DHRSX: variants seen among roughly 807,000 people sequenced by gnomAD.
DHRSX encodes the protein polyprenol dehydrogenase.
In DHRSX, 31 loss-of-function variants were observed where a neutral mutation model predicts 34.0. That is an observed-to-expected ratio of 0.91 (90% CI 0.69 to 1.23). The LOEUF is 1.23. DHRSX is among the 50% of genes most tolerant of loss of function. The pLI, the probability that DHRSX is intolerant of heterozygous loss-of-function variation, is 0.00. For missense variants in DHRSX, 414 were observed against 428.1 expected (o/e 0.97, Z 0.29); for synonymous variants, 201 against 183.8 (o/e 1.09, Z -0.76).
At chrX:2,445,112 G>A (rs768338425) in intron 1 of DHRSX, among the ~76,000 whole-genome samples, 31 of 152,186 alleles carry the variant, frequency 2.0e-4, no homozygotes, top group Admixed American at 1.8e-3. Context: ...AGCCAAGATC[G>A]CACCACTGCA....
At chrX:2,332,831 G>C (rs147039330) in intron 3 of DHRSX, among the ~76,000 whole-genome samples, 1 of 152,114 alleles carries the variant, frequency 6.6e-6, no homozygotes, top group Admixed American at 6.5e-5. Flanking sequence ...GAATGTGATC[G>C]ATCAAAAACT....
At chrX:2,491,245 T>C (rs1237288140) in intron 1 of DHRSX, among the ~76,000 whole-genome samples, 1 of 152,120 alleles carries the variant, frequency 6.6e-6, no homozygotes, top group Non-Finnish European at 1.5e-5. Flanking sequence ...AATTTTTGTA[T>C]TTTTAGTAGA....
At chrX:2,428,935 A>C (rs930866230) in intron 1 of DHRSX, among the ~76,000 whole-genome samples, 6 of 152,122 alleles carry the variant, frequency 3.9e-5, no homozygotes, top group African/African-American at 1.4e-4. Flanking sequence ...TTCAACATAT[A>C]ATCTGTTATT....
intron 2 of DHRSX, 63 bp from the exon 3 acceptor site, chrX:2,408,876 CA>C (rs11388393): frequency 0.013 from 13,166 of 1,038,902 alleles, 1 homozygote; most frequent in Non-Finnish European, 0.015. Context: ...CTATTAACTG[CA>C]AAAAAAAAAA....
chrX:2,406,949 A>G (rs1172872298), intron 3 of DHRSX, among the ~76,000 whole-genome samples: 1 of 152,222 alleles, frequency 6.6e-6, no homozygotes, highest in African/African-American at 2.4e-5. Context: ...CAGTGTATCA[A>G]AGAGATGCCT....
chrX:2,468,062 C>T (rs1445336736), intron 1 of DHRSX, among the ~76,000 whole-genome samples: 1 of 151,992 alleles, frequency 6.6e-6, no homozygotes, highest in Non-Finnish European at 1.5e-5. Context: ...CTGCACAGGC[C>T]ACCTTCTAAG....
intron 1 of DHRSX, among the ~76,000 whole-genome samples, chrX:2,470,122 T>C (rs904333982): frequency 2.0e-5 from 3 of 150,118 alleles, no homozygotes; most frequent in African/African-American, 7.4e-5. Context: ...GAAGATACAA[T>C]GTGAAGTGAA....
intron 3 of DHRSX, among the ~76,000 whole-genome samples, chrX:2,348,119 G>A (rs760574233): frequency 3.9e-5 from 6 of 152,110 alleles, no homozygotes; most frequent in Non-Finnish European, 7.4e-5. Context: ...CGTAACATAA[G>A]AAAAAGACAG....
intron 1 of DHRSX, among the ~76,000 whole-genome samples, chrX:2,441,921 A>C (rs2044067556): frequency 1.3e-5 from 2 of 152,074 alleles, no homozygotes; most frequent in African/African-American, 2.4e-5. Flanking sequence ...AAATACAAAA[A>C]AAATTAGCTG....
chrX:2,233,118 G>A (rs2015935408), intron 6 of DHRSX, among the ~76,000 whole-genome samples: 2 of 152,162 alleles, frequency 1.3e-5, no homozygotes, highest in African/African-American at 4.8e-5. Flanking sequence ...GGCCCACGAA[G>A]ACTAAGACAC....
chrX:2,359,661 C>T lies in DHRSX; in HGVS notation c.286+49084G>A, dbSNP rs188555326. 7.9e-5 allele frequency among the ~76,000 whole-genome samples: 12 copies of T among 151,588 alleles called. No homozygotes were observed. The East Asian group carries it at 1.6e-3, about 20-fold the overall frequency. On this transcript the variant is annotated intron_variant, in intron 3 of 6. Coordinates refer to ENST00000334651, the MANE Select transcript of DHRSX (RefSeq NM_145177.3). ...TACTGCACTCCAGCAGCCTGGGTGA[C>T]ACAGCGAGACTCCATATCAAAAAAA...
chrX:2,284,551 A>G (rs1299037745), intron 4 of DHRSX, among the ~76,000 whole-genome samples: 1 of 152,216 alleles, frequency 6.6e-6, no homozygotes, highest in Non-Finnish European at 1.5e-5. Flanking sequence ...TGGTAGGAAA[A>G]ATAATGCTTA....
intron 1 of DHRSX, among the ~76,000 whole-genome samples, chrX:2,471,214 T>C (rs1294973922): frequency 6.6e-6 from 1 of 152,186 alleles, no homozygotes; most frequent in Non-Finnish European, 1.5e-5. Flanking sequence ...ACACCCTTTA[T>C]ATGACCATGA....
chrX:2,266,718 A>T, intron 5 of DHRSX, 22 bp downstream of exon 5: 1 of 1,610,718 alleles, frequency 6.2e-7, no homozygotes, highest in Non-Finnish European at 8.5e-7. Context: ...TGCTGTTATG[A>T]TTATTCACAG....
chrX:2,483,808 A>G (rs2044812694), intron 1 of DHRSX, among the ~76,000 whole-genome samples: 1 of 145,278 alleles, frequency 6.9e-6, no homozygotes, highest in Non-Finnish European at 1.5e-5. Flanking sequence ...AAAAAAAAAA[A>G]AGTAGTTTCA....
At chrX:2,317,289 TGGCCCA>T (rs1238239145) in intron 3 of DHRSX, among the ~76,000 whole-genome samples, 1 of 117,006 alleles carries the variant, frequency 8.5e-6, no homozygotes, top group Non-Finnish European at 1.8e-5. Flanking sequence ...TCTTGCTGTG[TGGCCCA>T]GGCTAGAGTG....
chrX:2,288,965 A>G (rs1469809421), intron 4 of DHRSX, among the ~76,000 whole-genome samples: 3 of 152,154 alleles, frequency 2.0e-5, no homozygotes, highest in Non-Finnish European at 4.4e-5. Context: ...GTGGTGGTTG[A>G]GTGATGGAGT....
chrX:2,261,185 G>A (rs2041358797), intron 5 of DHRSX, among the ~76,000 whole-genome samples: 1 of 152,000 alleles, frequency 6.6e-6, no homozygotes, highest in South Asian at 2.1e-4. Context: ...ACTCCAGCCT[G>A]GGCAACAGAG....
At chrX:2,272,827 A>G (rs1020887315) in intron 4 of DHRSX, among the ~76,000 whole-genome samples, 1 of 152,186 alleles carries the variant, frequency 6.6e-6, no homozygotes, top group Non-Finnish European at 1.5e-5. Context: ...AACTGCCTAC[A>G]TTCCTGTGCC....
Sources: allele counts gnomAD v4.1 joint callset (sites outside exome capture counted in the v4.1 genomes callset), GRCh38; gene constraint gnomAD v4.1.1; transcripts MANE v1.5; gene names NCBI Gene and HGNC (gene_info 2026-07-23, HGNC 2026-07-21).